PAFAH1B2: variants seen among roughly 807,000 people sequenced by gnomAD.
The protein encoded by PAFAH1B2 is platelet activating factor acetylhydrolase 1b catalytic subunit 2, also known as platelet-activating factor acetylhydrolase IB subunit alpha2.
In PAFAH1B2, 8 loss-of-function variants were observed where a neutral mutation model predicts 28.0. The ratio of observed to expected loss-of-function variants is 0.29; its 90% CI spans 0.17 to 0.52. The LOEUF (loss-of-function observed/expected upper bound fraction) is 0.52. PAFAH1B2 is among the 20% of genes least tolerant of loss of function. The probability of loss-of-function intolerance (pLI) is 0.97; values close to 1 mark genes in which losing one functional copy is unlikely to be tolerated. For missense variants in PAFAH1B2, 190 were observed against 282.6 expected, an observed-to-expected ratio of 0.67 and a Z score of 2.35; for synonymous variants, 104 against 103.2, an observed-to-expected ratio of 1.01 and a Z score of -0.05.
intron 3 of PAFAH1B2, among the ~76,000 whole-genome samples, chr11:117,160,862 G>A (rs777427719): frequency 2.6e-5 from 4 of 151,540 alleles, no homozygotes; most frequent in Non-Finnish European, 5.9e-5. Flanking sequence ...AGTTCAATAA[G>A]TGGAAAGGAG....
rs117906059 is a variant in PAFAH1B2 at position 117,151,637 on chromosome 11, C to T, written c.-7-804C>T. ...ATGACTACTTTTGTCATAATCTGTA[C>T]TACAGTTATTTGTGTGATGTTTATT... is the stretch of plus-strand genomic sequence containing the variant. On this transcript the variant is annotated intron_variant, in intron 1 of 5. Coordinates refer to ENST00000527958, the MANE Select transcript of PAFAH1B2 (RefSeq NM_002572.4). 7.8e-4 allele frequency among the ~76,000 whole-genome samples: 118 copies of T among 152,224 alleles called. No homozygotes were observed. In the East Asian group the frequency reaches 0.021, roughly 27 times the overall value.
chr11:117,175,945 A>G, downstream of PAFAH1B2: 1 of 1,534,256 alleles, frequency 6.5e-7, no homozygotes, highest in Non-Finnish European at 8.7e-7. Context: ...CCATGAAAGA[A>G]AAGTCCAGAT....
intron 4 of PAFAH1B2, 118 bp downstream of exon 4, chr11:117,161,379 T>C: frequency 1.6e-6 from 1 of 614,764 alleles, no homozygotes; most frequent in African/African-American, 1.9e-5. Context: ...ATTTTTTTCG[T>C]GCCTCTTTAA....
At chr11:117,150,843 C>A (rs1010472273) in intron 1 of PAFAH1B2, among the ~76,000 whole-genome samples, 9 of 151,912 alleles carry the variant, frequency 5.9e-5, no homozygotes, top group African/African-American at 2.2e-4. Flanking sequence ...AAAAAATTAG[C>A]TGGGCGTGGT....
rs11418579 is a variant in PAFAH1B2, at chr11:117,164,406, C to CAAA, written c.411+523_411+525dup. Among the ~76,000 whole-genome samples the CAAA allele has an allele frequency of 2.3e-3, 344 of 149,088 alleles. 1 individual carries two copies. Among genetic ancestry groups the CAAA allele is most frequent in the African/African-American group, 5.0e-3 (202 of 40,772 alleles). On this transcript the variant is annotated intron_variant, in intron 5 of 5. Coordinates refer to ENST00000527958, the MANE Select transcript of PAFAH1B2 (RefSeq NM_002572.4). Reference sequence around the variant, plus strand: ...TGGGTGACAGAGCGAGACTCCGTCTCAAAAAAAAAAAGTATGGAAGCCGTT... The same window carrying CAAA: ...TGGGTGACAGAGCGAGACTCCGTCTCAAAAAAAAAAAAAAGTATGGAAGCCGTT...
At position 117,168,446 on chromosome 11, in the gene PAFAH1B2, G is replaced by GTTTGTTT. The variant is rs55659804; in HGVS notation, c.*750_*751insGTTTTTT. The GTTTGTTT allele has an allele frequency of 3.6e-3, 844 of 235,598 alleles. 1 individual carries two copies. Among genetic ancestry groups the GTTTGTTT allele is most frequent in the East Asian group, 6.6e-3 (38 of 5,740 alleles). 14.6% of individuals were successfully genotyped at this position (235,598 alleles called of 1,614,324 possible). A position where few individuals can be genotyped will look rare whatever the true frequency, so the allele number is the denominator to read the frequency against. ...TCCCCTTCATTCCCCCCGCCACCCC[G>GTTTGTTT]TTTTTTTTTTTTTTTTTTTTTTTTT... is the stretch of plus-strand genomic sequence containing the variant. On this transcript the variant is annotated 3_prime_UTR_variant, in exon 6 of 6. Transcript: ENST00000527958.
At chr11:117,163,699 T>A in intron 4 of PAFAH1B2, 71 bp from the exon 5 acceptor site, 9 of 1,414,518 alleles carry the variant, frequency 6.4e-6, no homozygotes, top group African/African-American at 1.5e-5. Flanking sequence ...AAGATTTTCA[T>A]CTAAATGTTG....
intron 2 of PAFAH1B2, among the ~76,000 whole-genome samples, chr11:117,153,862 A>G (rs1009746309): frequency 1.3e-5 from 2 of 151,972 alleles, no homozygotes; most frequent in African/African-American, 2.4e-5. Context: ...TTGATATAAT[A>G]CTATTATTAC....
Position 117,170,037 on chromosome 11 carries a change from C to G in PAFAH1B2, c.*2338C>G. 9.5e-7 allele frequency: 1 copy of G among 1,054,636 alleles called. No individual in the cohort carries two copies. Among genetic ancestry groups the G allele is most frequent in the Non-Finnish European group, 1.1e-6 (1 of 872,702 alleles). 65.3% of individuals were successfully genotyped at this position (1,054,636 alleles called of 1,614,324 possible). On this transcript the variant is annotated 3_prime_UTR_variant, in exon 6 of 6. Transcript: ENST00000527958. ...CAAGCAATAGTATTTGAACCACTAG[C>G]CTTTTAAATAAAATTCTGCCCCATT...
chr11:117,165,041 G>T (rs1348364786), intron 5 of PAFAH1B2, among the ~76,000 whole-genome samples: 2 of 143,866 alleles, frequency 1.4e-5, no homozygotes, highest in African/African-American at 5.1e-5. Context: ...CTGCAAGCTC[G>T]GCCTCCCAGG....
chr11:117,171,843 G>A, downstream of PAFAH1B2: 1 of 961,030 alleles, frequency 1.0e-6, no homozygotes, highest in Non-Finnish European at 1.5e-6. Flanking sequence ...GTGGTATACT[G>A]TTGGATTAAA....
chr11:117,150,804 G>A (rs1351727553), intron 1 of PAFAH1B2, among the ~76,000 whole-genome samples: 4 of 152,070 alleles, frequency 2.6e-5, no homozygotes, highest in South Asian at 2.1e-4. Context: ...TGGCTAACAC[G>A]GTGAAACCCC....
chr11:117,175,479 A>C, downstream of PAFAH1B2: 1 of 1,084,726 alleles, frequency 9.2e-7, no homozygotes, highest in Non-Finnish European at 1.1e-6. Context: ...CAGGGTCCTG[A>C]CGATTCAAAA....
chr11:117,173,823 C>T (rs375933505), downstream of PAFAH1B2, among the ~76,000 whole-genome samples: 5 of 152,314 alleles, frequency 3.3e-5, no homozygotes, highest in East Asian at 9.6e-4. Context: ...TGGGAAAGAA[C>T]AGAACTTGTA....
Position 117,163,062 on chromosome 11 carries a change from C to T in PAFAH1B2, c.289-708C>T, listed in dbSNP as rs867450403. On this transcript the variant is annotated intron_variant, in intron 4 of 5. Coordinates refer to ENST00000527958, the MANE Select transcript of PAFAH1B2 (RefSeq NM_002572.4). ...TGGATTTTGAGAAATCAGCTTCCTG[C>T]TGCATGATGATATAATTCTCTCTTG... Among the ~76,000 whole-genome samples the T allele has an allele frequency of 9.8e-5, 15 of 152,288 alleles. No homozygotes were observed. The Middle Eastern group carries it at 0.017, about 173-fold the overall frequency.
At chr11:117,159,135 C>T (rs1414388811) in intron 2 of PAFAH1B2, among the ~76,000 whole-genome samples, 2 of 152,152 alleles carry the variant, frequency 1.3e-5, no homozygotes, top group Admixed American at 6.5e-5. Flanking sequence ...TGTAATATGT[C>T]AACTTTCTGT....
At position 117,170,681 on chromosome 11, in the gene PAFAH1B2, G is replaced by A; in HGVS notation, c.*2982G>A. On this transcript the variant is annotated 3_prime_UTR_variant, in exon 6 of 6. Transcript: ENST00000527958. The stretch of plus-strand genomic sequence containing the variant: ...TACTTTATTTTATTTTTTTAACCTA[G>A]TCACTGTTTACAATTGTATGCTAAA... 9.6e-7 allele frequency: 1 copy of A among 1,044,772 alleles called. No individual in the cohort carries two copies. Among genetic ancestry groups the A allele is most frequent in the African/African-American group, 1.7e-5 (1 of 58,810 alleles). 64.7% of individuals were successfully genotyped at this position (1,044,772 alleles called of 1,614,324 possible). A position where few individuals can be genotyped will look rare whatever the true frequency, so the allele number is the denominator to read the frequency against.
chr11:117,168,446 G>GTTTT lies in PAFAH1B2; in HGVS notation c.*769_*772dup, dbSNP rs71469127. The stretch of plus-strand genomic sequence containing the variant: ...TCCCCTTCATTCCCCCCGCCACCCC[G>GTTTT]TTTTTTTTTTTTTTTTTTTTTTTTT... On this transcript the variant is annotated 3_prime_UTR_variant, in exon 6 of 6. Coordinates refer to ENST00000527958, the MANE Select transcript of PAFAH1B2 (RefSeq NM_002572.4). The GTTTT allele has an allele frequency of 3.2e-3, 753 of 234,818 alleles. 4 individuals are homozygous for GTTTT. Among genetic ancestry groups the GTTTT allele is most frequent in the African/African-American group, 8.0e-3 (90 of 11,304 alleles). The allele number at this position is 234,818 out of a possible 1,614,324, so 14.5% of individuals were successfully genotyped here.
chr11:117,168,452 T>TTTTTTTTTTTG lies in PAFAH1B2; in HGVS notation c.*763_*764insGTTTTTTTTTT. 1.2e-6 allele frequency: 1 copy of TTTTTTTTTTTG among 804,570 alleles called. No homozygotes were observed. The highest frequency in any genetic ancestry group is 7.0e-5 in the Admixed American group (1 of 14,206). The allele number at this position is 804,570 out of a possible 1,614,324, so 49.8% of individuals were successfully genotyped here. On this transcript the variant is annotated 3_prime_UTR_variant, in exon 6 of 6. Transcript: ENST00000527958. ...TCATTCCCCCCGCCACCCCGTTTTT[T>TTTTTTTTTTTG]TTTTTTTTTTTTTTTTTTTGGTTCT...
Sources: gnomAD v4.1 joint callset for allele counts (sites outside exome capture counted in the v4.1 genomes callset) on GRCh38, gnomAD v4.1.1 for gene constraint, MANE v1.5 for transcripts, NCBI Gene and HGNC (gene_info 2026-07-23, HGNC 2026-07-21) for gene names.